The following ERC2 variants were observed in gnomAD, a reference collection of about 807,000 sequenced individuals.
ERC2 encodes the protein ERC protein 2.
A neutral mutation model predicts 114.8 loss-of-function variants in ERC2; 42 were observed. The observed-to-expected ratio is 0.37, with a 90% CI of 0.29 to 0.47. The LOEUF (loss-of-function observed/expected upper bound fraction) is 0.47. ERC2 is among the 20% of genes least tolerant of loss of function. The pLI is 0.99. For missense variants in ERC2, 939 were observed against 1,150.7 expected, an observed-to-expected ratio of 0.82 and a Z score of 2.66; for synonymous variants, 454 against 425.5, an observed-to-expected ratio of 1.07 and a Z score of -0.82.
At chr3:56,420,906 AAAAG>A (rs997979406) in intron 2 of ERC2, among the ~76,000 whole-genome samples, 10 of 152,042 alleles carry the variant, frequency 6.6e-5, no homozygotes, top group East Asian at 1.9e-4. Context: ...CAAAAAAAAA[AAAAG>A]AAAGAAAGAA....
At chr3:55,847,436 A>G (rs763339106) in intron 14 of ERC2, among the ~76,000 whole-genome samples, 1 of 152,222 alleles carries the variant, frequency 6.6e-6, no homozygotes, top group Non-Finnish European at 1.5e-5. Flanking sequence ...GATCTCTAAC[A>G]GCAAGACCGG....
chr3:55,818,666 A>G (rs931527597), intron 14 of ERC2, among the ~76,000 whole-genome samples: 1 of 152,206 alleles, frequency 6.6e-6, no homozygotes, highest in African/African-American at 2.4e-5. Flanking sequence ...CATTGACACC[A>G]CCAACCACAG....
At chr3:56,201,990 A>C (rs1000548692) in intron 3 of ERC2, among the ~76,000 whole-genome samples, 2 of 152,176 alleles carry the variant, frequency 1.3e-5, no homozygotes, top group Non-Finnish European at 2.9e-5. Flanking sequence ...TCAAATTGCA[A>C]AAACATAACT....
intron 16 of ERC2, 28 bp downstream of exon 16, chr3:55,699,350 C>G (rs765909350): frequency 6.2e-7 from 1 of 1,612,936 alleles, no homozygotes; most frequent in Non-Finnish European, 8.5e-7. Context: ...TAAAAGGGGT[C>G]TTGGAGGTAA....
At chr3:55,876,538 C>A (rs1450497335) in intron 14 of ERC2, among the ~76,000 whole-genome samples, 7 of 152,158 alleles carry the variant, frequency 4.6e-5, no homozygotes, top group Admixed American at 3.9e-4. Flanking sequence ...GAAGAAGGAA[C>A]AAATGGTAAG....
At chr3:56,420,869 C>G (rs9826050) in intron 2 of ERC2, among the ~76,000 whole-genome samples, 6,883 of 151,100 alleles carry the variant, frequency 0.046, 403 homozygotes, top group African/African-American at 0.13. Context: ...CGCACTCCAG[C>G]CTGGGCGACA....
chr3:56,224,847 T>C (rs1441197222), intron 3 of ERC2, among the ~76,000 whole-genome samples: 1 of 152,124 alleles, frequency 6.6e-6, no homozygotes, highest in Non-Finnish European at 1.5e-5. Context: ...TGAATACCCA[T>C]TATGAGCCAG....
intron 12 of ERC2, among the ~76,000 whole-genome samples, chr3:55,980,739 A>G (rs2070060676): frequency 6.7e-6 from 1 of 150,084 alleles, no homozygotes; most frequent in Admixed American, 6.6e-5. Context: ...GGAAAAGAAA[A>G]GGTTTTAGAA....
chr3:56,307,791 T>C (rs1306986432), intron 2 of ERC2, among the ~76,000 whole-genome samples: 3 of 151,716 alleles, frequency 2.0e-5, no homozygotes, highest in African/African-American at 7.3e-5. Context: ...TCTATTGTCA[T>C]GTATCATATA....
intron 13 of ERC2, among the ~76,000 whole-genome samples, chr3:55,919,840 G>C (rs1010190119): frequency 6.6e-5 from 10 of 152,168 alleles, no homozygotes; most frequent in African/African-American, 2.4e-4. Flanking sequence ...AAAGGGAATT[G>C]CAAGTGCAAA....
At chr3:56,031,330 T>G (rs1032277630) in intron 7 of ERC2, among the ~76,000 whole-genome samples, 1 of 151,582 alleles carries the variant, frequency 6.6e-6, no homozygotes, top group African/African-American at 2.4e-5. Flanking sequence ...ATGGACTCAG[T>G]ACTGGACCTT....
At chr3:55,642,790 T>C (rs1266727174) in intron 17 of ERC2, among the ~76,000 whole-genome samples, 1 of 152,138 alleles carries the variant, frequency 6.6e-6, no homozygotes. Context: ...ATTCACATTG[T>C]ATATGGATTT....
intron 15 of ERC2, among the ~76,000 whole-genome samples, chr3:55,715,608 C>G (rs1020232650): frequency 6.6e-6 from 1 of 151,484 alleles, no homozygotes. Flanking sequence ...CCCTACAAAA[C>G]AAAACAAAAA....
chr3:55,758,937 G>A (rs531204902), intron 14 of ERC2, among the ~76,000 whole-genome samples: 1 of 152,232 alleles, frequency 6.6e-6, no homozygotes, highest in South Asian at 2.1e-4. Context: ...CTAAGGTGAG[G>A]GTTAACCGCT....
chr3:55,516,686 C>T (rs1281638399), intron 17 of ERC2, among the ~76,000 whole-genome samples: 1 of 152,132 alleles, frequency 6.6e-6, no homozygotes, highest in Non-Finnish European at 1.5e-5. Context: ...TCATCCATAA[C>T]GTTTTAAATG....
chr3:56,226,093 G>A (rs1440967249), intron 3 of ERC2, among the ~76,000 whole-genome samples: 2 of 152,040 alleles, frequency 1.3e-5, no homozygotes, highest in African/African-American at 2.4e-5. Context: ...AAAAGAACTC[G>A]GATCCTAAGC....
rs190234967 is a variant in ERC2, at chr3:56,183,636, T to C, written c.1075-10116A>G. ...TACACTGTCACTGGGTCTAATTGAA[T>C]AATTTTCATTTAGCAAAAATCCACT... On this transcript the variant is annotated intron_variant, in intron 3 of 17. Coordinates refer to ENST00000288221, the MANE Select transcript of ERC2 (RefSeq NM_015576.3). Among the ~76,000 whole-genome samples the C allele has an allele frequency of 1.2e-3, 187 of 152,348 alleles. No homozygotes were observed. In the Middle Eastern group the frequency reaches 0.017, roughly 14 times the overall value.
chr3:56,238,200 T>G (rs1400689855), intron 3 of ERC2, among the ~76,000 whole-genome samples: 1 of 152,210 alleles, frequency 6.6e-6, no homozygotes, highest in South Asian at 2.1e-4. Context: ...CACCTGAACT[T>G]GGACTCCAGA....
chr3:55,836,892 T>A (rs62251599), intron 14 of ERC2, among the ~76,000 whole-genome samples: 27,176 of 151,902 alleles, frequency 0.18, 3,575 homozygotes, highest in African/African-American at 0.37. Flanking sequence ...TACAATGAAC[T>A]CAAACAAATT....
Sources: gnomAD v4.1 joint callset for allele counts (sites outside exome capture counted in the v4.1 genomes callset) on GRCh38, gnomAD v4.1.1 for gene constraint, MANE v1.5 for transcripts, NCBI Gene and HGNC (gene_info 2026-07-23, HGNC 2026-07-21) for gene names.